MACROD2: variants seen among roughly 807,000 people sequenced by gnomAD.
MACROD2 encodes the protein mono-ADP ribosylhydrolase 2.
A neutral mutation model predicts 70.4 loss-of-function variants in MACROD2; 36 were observed. The ratio of observed to expected loss-of-function variants is 0.51; its 90% CI spans 0.39 to 0.68. The LOEUF (loss-of-function observed/expected upper bound fraction) is 0.68. MACROD2 is among the 30% of genes least tolerant of loss of function. The pLI, the probability that MACROD2 is intolerant of heterozygous loss-of-function variation, is 0.00. For missense variants in MACROD2, 496 were observed against 538.4 expected (o/e 0.92, Z 0.78); for synonymous variants, 172 against 178.8 (o/e 0.96, Z 0.30).
At chr20:14,116,280 C>A (rs2054512642) in intron 3 of MACROD2, among the ~76,000 whole-genome samples, 1 of 152,176 alleles carries the variant, frequency 6.6e-6, no homozygotes, top group African/African-American at 2.4e-5. Flanking sequence ...ATAATATATT[C>A]TTCTCACTAT....
chr20:15,323,526 T>C (rs2077894508), intron 6 of MACROD2, among the ~76,000 whole-genome samples: 1 of 152,144 alleles, frequency 6.6e-6, no homozygotes, highest in Non-Finnish European at 1.5e-5. Context: ...GGAATTAATT[T>C]TGTCCCCATC....
At chr20:15,282,666 C>A (rs1168728378) in intron 6 of MACROD2, among the ~76,000 whole-genome samples, 1 of 152,184 alleles carries the variant, frequency 6.6e-6, no homozygotes, top group African/African-American at 2.4e-5. Context: ...GTCCATATCA[C>A]TATCAACTTT....
At chr20:15,981,123 G>A (rs1157711407) in intron 13 of MACROD2, among the ~76,000 whole-genome samples, 2 of 152,198 alleles carry the variant, frequency 1.3e-5, no homozygotes, top group Non-Finnish European at 2.9e-5. Context: ...GTTTAATGGT[G>A]CCAATAACAC....
At chr20:15,411,984 G>A (rs761277038) in intron 6 of MACROD2, among the ~76,000 whole-genome samples, 2 of 152,128 alleles carry the variant, frequency 1.3e-5, no homozygotes, top group African/African-American at 4.8e-5. Context: ...TGACACACCT[G>A]TGGCTGCCTG....
chr20:15,522,690 G>A (rs557699586), intron 8 of MACROD2, among the ~76,000 whole-genome samples: 2 of 152,276 alleles, frequency 1.3e-5, no homozygotes, highest in East Asian at 3.9e-4. Context: ...TAGGCAAATT[G>A]TATCAGAAAA....
intron 3 of MACROD2, among the ~76,000 whole-genome samples, chr20:14,265,366 C>T (rs1287197332): frequency 6.6e-6 from 1 of 151,968 alleles, no homozygotes; most frequent in Non-Finnish European, 1.5e-5. Context: ...TGATCTTGAT[C>T]AGAGGATGGG....
At chr20:14,501,860 T>C (rs1328870724) in intron 4 of MACROD2, among the ~76,000 whole-genome samples, 10 of 152,198 alleles carry the variant, frequency 6.6e-5, no homozygotes, top group Admixed American at 5.2e-4. Flanking sequence ...GGTTGGAAGT[T>C]CAGATAATAT....
chr20:14,050,102 A>G (rs2053544329), intron 2 of MACROD2, among the ~76,000 whole-genome samples: 1 of 151,916 alleles, frequency 6.6e-6, no homozygotes, highest in Non-Finnish European at 1.5e-5. Context: ...AAAAAAAAAA[A>G]AAGCTCCAAA....
intron 8 of MACROD2, among the ~76,000 whole-genome samples, chr20:15,580,146 C>T (rs6079890): frequency 0.45 from 68,960 of 152,024 alleles, 19,103 homozygotes; most frequent in Non-Finnish European, 0.62. Context: ...GCTCTGCAGC[C>T]GTGGGTTTCT....
At chr20:14,882,873 T>C (rs2073626296) in intron 5 of MACROD2, among the ~76,000 whole-genome samples, 1 of 152,148 alleles carries the variant, frequency 6.6e-6, no homozygotes, top group South Asian at 2.1e-4. Flanking sequence ...TATGTAGACC[T>C]TATGTAACAG....
chr20:14,668,155 T>C (rs923994120), intron 4 of MACROD2, among the ~76,000 whole-genome samples: 1 of 143,050 alleles, frequency 7.0e-6, no homozygotes, highest in African/African-American at 2.6e-5. Flanking sequence ...CCCTGTCTCT[T>C]AAAAAAAAAA....
At chr20:14,422,675 C>G (rs2083888741) in intron 3 of MACROD2, among the ~76,000 whole-genome samples, 1 of 152,166 alleles carries the variant, frequency 6.6e-6, no homozygotes, top group Non-Finnish European at 1.5e-5. Flanking sequence ...ACATACAAAA[C>G]TGCCTCTATA....
chr20:15,346,584 G>T (rs952906885), intron 6 of MACROD2, among the ~76,000 whole-genome samples: 1 of 152,174 alleles, frequency 6.6e-6, no homozygotes, highest in Non-Finnish European at 1.5e-5. Context: ...CTGTTGCCAG[G>T]GAAGGAATGT....
intron 3 of MACROD2, among the ~76,000 whole-genome samples, chr20:14,310,273 A>G (rs2082554967): frequency 6.6e-6 from 1 of 152,156 alleles, no homozygotes; most frequent in Admixed American, 6.5e-5. Flanking sequence ...CTCTTGAAGA[A>G]CCAGACCTCT....
chr20:14,844,087 A>G (rs978935116), intron 5 of MACROD2, among the ~76,000 whole-genome samples: 12 of 152,036 alleles, frequency 7.9e-5, no homozygotes, highest in African/African-American at 2.9e-4. Context: ...CTTCCACCTC[A>G]TGGTTCACTC....
At chr20:15,784,158 A>T (rs2051881310) in intron 8 of MACROD2, among the ~76,000 whole-genome samples, 1 of 152,084 alleles carries the variant, frequency 6.6e-6, no homozygotes. Flanking sequence ...GTGACTCTAC[A>T]GTTTGAAAAA....
chr20:15,022,564 T>C (rs1297972294), intron 5 of MACROD2, among the ~76,000 whole-genome samples: 1 of 152,228 alleles, frequency 6.6e-6, no homozygotes, highest in African/African-American at 2.4e-5. Flanking sequence ...CATTCCCATT[T>C]AATCTTTAAA....
chr20:14,292,685 A>G (rs1169320726), intron 3 of MACROD2, among the ~76,000 whole-genome samples: 1 of 151,868 alleles, frequency 6.6e-6, no homozygotes, highest in Non-Finnish European at 1.5e-5. Context: ...CCCAGGCTGG[A>G]GTGCAGAGGT....
intron 8 of MACROD2, among the ~76,000 whole-genome samples, chr20:15,692,115 G>A (rs7263789): frequency 0.35 from 53,202 of 151,946 alleles, 13,065 homozygotes; most frequent in African/African-American, 0.71. Context: ...TTTGCTCATT[G>A]TACGTTAAGC....
Sources: gnomAD v4.1 joint callset for allele counts (sites outside exome capture counted in the v4.1 genomes callset) on GRCh38, gnomAD v4.1.1 for gene constraint, MANE v1.5 for transcripts, NCBI Gene and HGNC (gene_info 2026-07-23, HGNC 2026-07-21) for gene names.